Variants in VAV3 observed in about 807,000 individuals in gnomAD.
VAV3 encodes the protein guanine nucleotide exchange factor VAV3.
A neutral mutation model predicts 131.2 loss-of-function variants in VAV3; 94 were observed. The observed-to-expected ratio is 0.72, with a 90% CI of 0.61 to 0.85. The LOEUF (loss-of-function observed/expected upper bound fraction) is 0.85. Ranked by LOEUF, VAV3 falls within the 40% of genes least tolerant of loss-of-function variation. The probability of loss-of-function intolerance (pLI) is 0.00; values close to 1 mark genes in which losing one functional copy is unlikely to be tolerated. For synonymous variants in VAV3, 349 were observed against 342.0 expected, an observed-to-expected ratio of 1.02 and a Z score of -0.22; for missense variants, 939 against 1,002.7, an observed-to-expected ratio of 0.94 and a Z score of 0.86.
At chr1:107,857,901 A>G (rs1444225323) in intron 2 of VAV3, among the ~76,000 whole-genome samples, 1 of 152,150 alleles carries the variant, frequency 6.6e-6, no homozygotes, top group African/African-American at 2.4e-5. Context: ...TACATGGGAA[A>G]TTTTTCATTA....
chr1:107,835,162 T>C (rs926349303), intron 2 of VAV3, among the ~76,000 whole-genome samples: 1 of 152,172 alleles, frequency 6.6e-6, no homozygotes, highest in Non-Finnish European at 1.5e-5. Flanking sequence ...CATGCTCCCC[T>C]GTCCACCAGC....
intron 15 of VAV3, among the ~76,000 whole-genome samples, chr1:107,714,519 G>A (rs1660976155): frequency 6.6e-6 from 1 of 151,792 alleles, no homozygotes; most frequent in East Asian, 1.9e-4. Context: ...AAATTTCCAG[G>A]ATAAAATCCA....
chr1:107,810,842 C>T (rs951296307), intron 2 of VAV3, among the ~76,000 whole-genome samples: 1 of 151,556 alleles, frequency 6.6e-6, no homozygotes, highest in Admixed American at 6.6e-5. Context: ...CAATACGCGA[C>T]AGGACCAGTT....
chr1:107,912,502 G>A (rs1320473934), intron 1 of VAV3, among the ~76,000 whole-genome samples: 3 of 152,114 alleles, frequency 2.0e-5, no homozygotes, highest in African/African-American at 7.2e-5. Context: ...TGTTGAGAGT[G>A]GACAGGACCC....
intron 19 of VAV3, among the ~76,000 whole-genome samples, chr1:107,659,939 A>G (rs1366209956): frequency 6.6e-6 from 1 of 152,190 alleles, no homozygotes; most frequent in African/African-American, 2.4e-5. Flanking sequence ...GAATACTACC[A>G]AATTCTTAAT....
rs533793608 is a variant in VAV3, at chr1:107,663,670, C to T, written c.1777+19818G>A. ...GAAGCATTTGGTAGTATTTTACCTC[C>T]GCTGAAAAATCTGATTGCCTTGACT... On this transcript the variant is annotated intron_variant, in intron 19 of 26. Coordinates refer to ENST00000370056, the MANE Select transcript of VAV3 (RefSeq NM_006113.5). Among the ~76,000 whole-genome samples the T allele has an allele frequency of 3.0e-4, 46 of 152,268 alleles. 1 individual carries two copies. In the South Asian group the frequency reaches 9.1e-3, roughly 30 times the overall value.
intron 19 of VAV3, among the ~76,000 whole-genome samples, chr1:107,666,527 G>A (rs1206923911): frequency 1.3e-5 from 2 of 151,402 alleles, no homozygotes; most frequent in African/African-American, 4.9e-5. Context: ...CGTGGCTTCT[G>A]ATCCCTCACT....
intron 2 of VAV3, among the ~76,000 whole-genome samples, chr1:107,821,149 T>C (rs969133788): frequency 6.6e-6 from 1 of 152,236 alleles, no homozygotes; most frequent in Non-Finnish European, 1.5e-5. Context: ...ATAATCATTG[T>C]TGTTATCATA....
intron 1 of VAV3, among the ~76,000 whole-genome samples, chr1:107,884,305 A>C (rs1367323569): frequency 6.6e-6 from 1 of 151,642 alleles, no homozygotes; most frequent in African/African-American, 2.4e-5. Flanking sequence ...CTAATTTTCC[A>C]TAATGTGATT....
intron 1 of VAV3, among the ~76,000 whole-genome samples, chr1:107,929,509 A>G (rs1673320179): frequency 6.6e-6 from 1 of 152,188 alleles, no homozygotes; most frequent in African/African-American, 2.4e-5. Context: ...CACTGGTAAT[A>G]GTAAGTACGC....
At chr1:107,877,971 T>G (rs1028637551) in intron 1 of VAV3, among the ~76,000 whole-genome samples, 1 of 152,202 alleles carries the variant, frequency 6.6e-6, no homozygotes, top group Non-Finnish European at 1.5e-5. Flanking sequence ...GCTGCCAGCC[T>G]GCCAGCAGTC....
chr1:107,804,514 C>CTCT lies in VAV3; in HGVS notation c.322-25023_322-25022insAGA, dbSNP rs1246363150. Among the ~76,000 whole-genome samples the CTCT allele has an allele frequency of 1.3e-5, 2 of 152,078 alleles. 1 individual carries two copies. ...ATCACAGATCACCCCAAAAAAGAAACAAGAGAGAACTTTAATCTTTATTTT... is the reference window on the plus strand; with the variant it reads ...ATCACAGATCACCCCAAAAAAGAAACTCTAAGAGAGAACTTTAATCTTTATTTT... On this transcript the variant is annotated intron_variant, in intron 2 of 26. Coordinates refer to ENST00000370056, the MANE Select transcript of VAV3 (RefSeq NM_006113.5).
At chr1:107,630,148 T>C (rs1002556640) in intron 20 of VAV3, among the ~76,000 whole-genome samples, 1 of 152,160 alleles carries the variant, frequency 6.6e-6, no homozygotes, top group Admixed American at 6.5e-5. Flanking sequence ...AAACCTTAAT[T>C]ACAAAACTCA....
At chr1:107,885,057 G>T (rs1416607828) in intron 1 of VAV3, among the ~76,000 whole-genome samples, 6 of 152,222 alleles carry the variant, frequency 3.9e-5, no homozygotes, top group African/African-American at 1.4e-4. Context: ...GGGTATCTAG[G>T]CTAGAAATGG....
intron 15 of VAV3, among the ~76,000 whole-genome samples, chr1:107,711,816 T>G (rs1405499397): frequency 6.6e-6 from 1 of 151,902 alleles, no homozygotes; most frequent in Admixed American, 6.6e-5. Flanking sequence ...GCCTCCTGAG[T>G]AGCTGGATAT....
intron 25 of VAV3, among the ~76,000 whole-genome samples, 197 bp from the exon 26 acceptor site, chr1:107,574,395 A>T (rs943951282): frequency 6.6e-6 from 1 of 152,254 alleles, no homozygotes; most frequent in Admixed American, 6.5e-5. Flanking sequence ...TCGCTTCATA[A>T]GTTTAAAGAA....
chr1:107,707,224 A>T (rs1450123699), intron 15 of VAV3, among the ~76,000 whole-genome samples: 1 of 152,210 alleles, frequency 6.6e-6, no homozygotes, highest in Non-Finnish European at 1.5e-5. Flanking sequence ...AGAATCAAAC[A>T]CTAAAGAACA....
intron 2 of VAV3, among the ~76,000 whole-genome samples, chr1:107,836,797 A>C (rs1255564386): frequency 6.6e-6 from 1 of 152,208 alleles, no homozygotes; most frequent in African/African-American, 2.4e-5. Context: ...TATGCATACA[A>C]ATTAGAAAAG....
At chr1:107,630,034 AT>A (rs981907121) in intron 20 of VAV3, among the ~76,000 whole-genome samples, 3 of 152,158 alleles carry the variant, frequency 2.0e-5, no homozygotes, top group Non-Finnish European at 4.4e-5. Flanking sequence ...TACAAAAGAC[AT>A]TTTTGAAATC....
Sources: allele counts gnomAD v4.1 joint callset (sites outside exome capture counted in the v4.1 genomes callset), GRCh38; gene constraint gnomAD v4.1.1; transcripts MANE v1.5; gene names NCBI Gene and HGNC (gene_info 2026-07-23, HGNC 2026-07-21).